BCAR3: variants seen among roughly 807,000 people sequenced by gnomAD.
BCAR3 encodes the protein BCAR3 adaptor protein, NSP family member, also known as breast cancer anti-estrogen resistance protein 3.
In BCAR3, 37 loss-of-function variants were observed where a neutral mutation model predicts 80.1. The ratio of observed to expected loss-of-function variants is 0.46; its 90% CI spans 0.36 to 0.61. The LOEUF (loss-of-function observed/expected upper bound fraction) is 0.61, where lower values mean the gene tolerates loss of function less well. Among genes scored for constraint, BCAR3 ranks in the 20% least tolerant of loss-of-function variants. BCAR3 has a pLI of 0.00. For missense variants in BCAR3, 978 were observed against 1,068.2 expected (o/e 0.92, Z 1.18); for synonymous variants, 389 against 418.9 (o/e 0.93, Z 0.87).
At chr1:93,584,965 T>C in intron 5 of BCAR3, 1 of 980,184 alleles carries the variant, frequency 1.0e-6, no homozygotes, top group Non-Finnish European at 1.2e-6. Flanking sequence ...ACGAAGTTCT[T>C]TCCTACCTTT....
chr1:93,610,711 C>T (rs1312469248), intron 3 of BCAR3, among the ~76,000 whole-genome samples: 3 of 152,052 alleles, frequency 2.0e-5, no homozygotes, highest in Non-Finnish European at 2.9e-5. Context: ...TTTGGGAGGC[C>T]GAGGTGGGCA....
chr1:93,737,211 G>T (rs1455119593), intron 2 of BCAR3, among the ~76,000 whole-genome samples: 1 of 152,224 alleles, frequency 6.6e-6, no homozygotes, highest in African/African-American at 2.4e-5. Flanking sequence ...TGAAAGTCTG[G>T]AGTAGAGAGA....
At chr1:93,698,348 A>AG (rs1649498931) in intron 3 of BCAR3, among the ~76,000 whole-genome samples, 1 of 152,236 alleles carries the variant, frequency 6.6e-6, no homozygotes, top group South Asian at 2.1e-4. Context: ...GACAGATAAG[A>AG]CACTGGTAGC....
chr1:93,839,001 G>A (rs1222654480), intron 2 of BCAR3, among the ~76,000 whole-genome samples: 1 of 152,178 alleles, frequency 6.6e-6, no homozygotes, highest in Non-Finnish European at 1.5e-5. Context: ...ACAAAGCAAT[G>A]GCAAATAAAA....
At chr1:93,688,302 G>A (rs1649043695) in intron 3 of BCAR3, among the ~76,000 whole-genome samples, 1 of 152,166 alleles carries the variant, frequency 6.6e-6, no homozygotes, top group African/African-American at 2.4e-5. Context: ...CATTTTCTAT[G>A]CAAAGTACAC....
intron 2 of BCAR3, among the ~76,000 whole-genome samples, chr1:93,672,417 T>C (rs1571030405): frequency 6.6e-6 from 1 of 152,104 alleles, no homozygotes; most frequent in East Asian, 1.9e-4. Context: ...AAACTGTCTG[T>C]GTCTAGTACA....
intron 2 of BCAR3, among the ~76,000 whole-genome samples, chr1:93,785,488 G>A (rs1652905863): frequency 6.6e-6 from 1 of 152,086 alleles, no homozygotes; most frequent in African/African-American, 2.4e-5. Context: ...ATTCAAATAC[G>A]TAAGAATTCA....
chr1:93,816,377 G>A (rs921577159), intron 2 of BCAR3, among the ~76,000 whole-genome samples: 3 of 151,998 alleles, frequency 2.0e-5, no homozygotes, highest in African/African-American at 4.8e-5. Flanking sequence ...AAATCCTTTA[G>A]AAATTAAAAC....
intron 2 of BCAR3, among the ~76,000 whole-genome samples, chr1:93,644,609 G>C (rs756166285): frequency 6.6e-6 from 1 of 152,166 alleles, no homozygotes; most frequent in African/African-American, 2.4e-5. Flanking sequence ...CACAGGCCAC[G>C]GTCACTCATA....
At chr1:93,758,329 A>C (rs1651816592) in intron 2 of BCAR3, among the ~76,000 whole-genome samples, 1 of 152,168 alleles carries the variant, frequency 6.6e-6, no homozygotes, top group Non-Finnish European at 1.5e-5. Flanking sequence ...GACAAAGAAG[A>C]GTTTCCAGGG....
At position 93,579,779 on chromosome 1, in the gene BCAR3, G is replaced by A. The variant is rs555390494; in HGVS notation, c.1686+2522C>T. 1.1e-4 allele frequency among the ~76,000 whole-genome samples: 17 copies of A among 152,260 alleles called. No homozygotes were observed. The East Asian group carries it at 3.1e-3, about 28-fold the overall frequency. Reference sequence around the variant, plus strand: ...GTTTCTACGAGGAGCTTCCTCTATGGAGAACCCACGCAGGTTCATACCAGG... The same window carrying A: ...GTTTCTACGAGGAGCTTCCTCTATGAAGAACCCACGCAGGTTCATACCAGG... On this transcript the variant is annotated intron_variant, in intron 7 of 11. Coordinates refer to ENST00000260502, the MANE Select transcript of BCAR3 (RefSeq NM_003567.4).
intron 2 of BCAR3, among the ~76,000 whole-genome samples, chr1:93,785,566 A>C (rs1652908570): frequency 6.6e-6 from 1 of 152,268 alleles, no homozygotes; most frequent in Non-Finnish European, 1.5e-5. Flanking sequence ...GTATACAAAA[A>C]GATCTAGCTA....
At chr1:93,741,894 C>G (rs956009435) in intron 2 of BCAR3, among the ~76,000 whole-genome samples, 1 of 152,152 alleles carries the variant, frequency 6.6e-6, no homozygotes, top group Non-Finnish European at 1.5e-5. Flanking sequence ...TTAATCTTCA[C>G]AATGATGTGG....
At chr1:93,621,896 G>A (rs1325961953) in intron 3 of BCAR3, among the ~76,000 whole-genome samples, 1 of 152,142 alleles carries the variant, frequency 6.6e-6, no homozygotes, top group Non-Finnish European at 1.5e-5. Flanking sequence ...TTTTGAGATG[G>A]AGTCTCACTC....
intron 2 of BCAR3, among the ~76,000 whole-genome samples, chr1:93,797,153 T>C (rs188358219): frequency 1.3e-5 from 2 of 152,344 alleles, no homozygotes; most frequent in African/African-American, 2.4e-5. Flanking sequence ...AATAACCTTG[T>C]TGAATTTGAA....
intron 3 of BCAR3, among the ~76,000 whole-genome samples, chr1:93,704,658 T>G (rs1349803768): frequency 6.6e-6 from 1 of 152,056 alleles, no homozygotes; most frequent in South Asian, 2.1e-4. Flanking sequence ...TCCTTGAAAG[T>G]TTTTAGGCAG....
At chr1:93,653,153 T>C (rs528512820) in intron 2 of BCAR3, among the ~76,000 whole-genome samples, 3 of 152,368 alleles carry the variant, frequency 2.0e-5, no homozygotes, top group Non-Finnish European at 4.4e-5. Context: ...TCTTAAGTTA[T>C]AGAATGTTTT....
At chr1:93,841,834 T>G (rs1269494066) in intron 2 of BCAR3, among the ~76,000 whole-genome samples, 2 of 152,242 alleles carry the variant, frequency 1.3e-5, no homozygotes, top group Non-Finnish European at 2.9e-5. Context: ...CAGCACCTGC[T>G]GCAACCAAGG....
intron 2 of BCAR3, among the ~76,000 whole-genome samples, chr1:93,749,388 A>G (rs1651467340): frequency 6.6e-6 from 1 of 151,948 alleles, no homozygotes; most frequent in Non-Finnish European, 1.5e-5. Flanking sequence ...CGAGATCGAG[A>G]CCATCCTGGC....
Sources: allele counts gnomAD v4.1 joint callset (sites outside exome capture counted in the v4.1 genomes callset), GRCh38; gene constraint gnomAD v4.1.1; transcripts MANE v1.5; gene names NCBI Gene and HGNC (gene_info 2026-07-23, HGNC 2026-07-21).